ASIP: variants seen among roughly 807,000 people sequenced by gnomAD.
ASIP encodes agouti-signaling protein.
ASIP carries 11 observed loss-of-function variants against 10.3 expected under a neutral mutation model. The observed-to-expected ratio is 1.07, with a 90% CI of 0.68 to 1.78. The LOEUF (loss-of-function observed/expected upper bound fraction) is 1.78. ASIP is among the 40% of genes most tolerant of loss of function. The pLI, the probability that ASIP is intolerant of heterozygous loss-of-function variation, is 0.00. For synonymous variants in ASIP, 70 were observed against 70.8 expected (o/e 0.99, Z 0.06); for missense variants, 180 against 169.2 (o/e 1.06, Z -0.35).
upstream of ASIP, among the ~76,000 whole-genome samples, chr20:34,237,572 C>T (rs541179594): frequency 6.6e-6 from 1 of 152,282 alleles, no homozygotes; most frequent in Non-Finnish European, 1.5e-5. Flanking sequence ...GGCTTTTCTA[C>T]ATTTAAGATC....
At chr20:34,203,596 C>T (rs1048348963) in intron 1 of ASIP, among the ~76,000 whole-genome samples, 1 of 151,968 alleles carries the variant, frequency 6.6e-6, no homozygotes, top group Admixed American at 6.6e-5. Context: ...AGGGTTTCGC[C>T]ACGTTGGCCT....
intron 3 of ASIP, among the ~76,000 whole-genome samples, chr20:34,264,495 T>C (rs1041627845): frequency 6.6e-6 from 1 of 152,220 alleles, no homozygotes. Context: ...AAGGGACCCA[T>C]ACTAGGTGCT....
At chr20:34,215,980 C>G in intron 1 of ASIP, 2 of 740,452 alleles carry the variant, frequency 2.7e-6, no homozygotes, top group Admixed American at 1.7e-5. Context: ...CCCTATCACT[C>G]CAGCCCGCCT....
At chr20:34,218,985 AC>A (rs1360914474) in intron 1 of ASIP, among the ~76,000 whole-genome samples, 1 of 152,004 alleles carries the variant, frequency 6.6e-6, no homozygotes, top group African/African-American at 2.4e-5. Flanking sequence ...TTTTAACGTA[AC>A]CCTCTGAAGT....
intron 1 of ASIP, among the ~76,000 whole-genome samples, chr20:34,202,383 G>A (rs1267435217): frequency 6.6e-6 from 1 of 152,094 alleles, no homozygotes; most frequent in African/African-American, 2.4e-5. Flanking sequence ...AAATGATTGT[G>A]TCAATCTTGT....
rs2035714958 is a variant in ASIP at position 34,262,690 on chromosome 20, T to C, written c.161-142T>C. On this transcript the variant is annotated intron_variant, in intron 2 of 3. Transcript: ENST00000374954. Reference sequence around the variant, plus strand: ...GCTAACAAGAACCTACTGGCTTGAGTCCTACAGTGTGACTCATCCAGCACG... The same window carrying C: ...GCTAACAAGAACCTACTGGCTTGAGCCCTACAGTGTGACTCATCCAGCACG... The C allele has an allele frequency of 3.6e-6, 3 of 840,692 alleles. No homozygotes were observed. The Admixed American group carries it at 6.1e-5, about 17-fold the overall frequency. 52.1% of individuals were successfully genotyped at this position (840,692 alleles called of 1,614,324 possible).
intron 1 of ASIP, among the ~76,000 whole-genome samples, chr20:34,204,302 C>A (rs6120566): frequency 0.13 from 19,185 of 151,214 alleles, 4,155 homozygotes; most frequent in African/African-American, 0.44. Flanking sequence ...CTCGCCGCAA[C>A]CTCCGCCTCG....
At chr20:34,254,408 T>A (rs1196653445) in intron 1 of ASIP, among the ~76,000 whole-genome samples, 1 of 152,210 alleles carries the variant, frequency 6.6e-6, no homozygotes, top group Admixed American at 6.5e-5. Context: ...GTTTCTCTAA[T>A]GAGTAATAAC....
chr20:34,264,641 A>G (rs1388080856), intron 3 of ASIP, among the ~76,000 whole-genome samples: 1 of 152,154 alleles, frequency 6.6e-6, no homozygotes, highest in African/African-American at 2.4e-5. Context: ...GACAGACAAT[A>G]CATCTTGTAA....
intron 1 of ASIP, among the ~76,000 whole-genome samples, chr20:34,226,291 A>C (rs1290414252): frequency 4.6e-5 from 7 of 152,218 alleles, no homozygotes. Context: ...AAGAAAAGCT[A>C]TATGACATTT....
At chr20:34,233,115 G>A (rs1236917730) in intron 1 of ASIP, among the ~76,000 whole-genome samples, 1 of 149,360 alleles carries the variant, frequency 6.7e-6, no homozygotes, top group Non-Finnish European at 1.5e-5. Context: ...TTTTCATCTG[G>A]AAGAGTCAAC....
chr20:34,233,044 G>A (rs1174754188), intron 1 of ASIP, among the ~76,000 whole-genome samples: 1 of 151,298 alleles, frequency 6.6e-6, no homozygotes, highest in African/African-American at 2.4e-5. Context: ...AAATCAGTGT[G>A]TCCCAACCCA....
chr20:34,205,993 T>C (rs2034934146), intron 1 of ASIP, among the ~76,000 whole-genome samples: 1 of 152,132 alleles, frequency 6.6e-6, no homozygotes, highest in African/African-American at 2.4e-5. Context: ...AATTGTATTT[T>C]GTTTTGTTTT....
At chr20:34,226,406 G>A (rs1601580030) in intron 1 of ASIP, among the ~76,000 whole-genome samples, 1 of 152,130 alleles carries the variant, frequency 6.6e-6, no homozygotes, top group East Asian at 1.9e-4. Context: ...AGGCTGGAGT[G>A]CAGTGGCACG....
chr20:34,257,070 C>CTTTTTTTT (rs56227909), intron 1 of ASIP, among the ~76,000 whole-genome samples: 331 of 139,014 alleles, frequency 2.4e-3, no homozygotes, highest in Admixed American at 3.2e-3. Context: ...CTTTCTTTCT[C>CTTTTTTTT]TTTTTTTTTT....
At chr20:34,243,861 G>A (rs1409494327) in intron 1 of ASIP, among the ~76,000 whole-genome samples, 5 of 151,564 alleles carry the variant, frequency 3.3e-5, no homozygotes, top group East Asian at 3.9e-4. Context: ...TCAGGAGATC[G>A]AGACCATCCT....
upstream of ASIP, among the ~76,000 whole-genome samples, chr20:34,238,019 A>G (rs908934800): frequency 6.6e-6 from 1 of 152,128 alleles, no homozygotes; most frequent in Non-Finnish European, 1.5e-5. Context: ...TAATGATTTT[A>G]TTGAGGATTT....
intron 3 of ASIP, among the ~76,000 whole-genome samples, chr20:34,264,719 ATATTTTCTTATAAT>A: frequency 6.8e-6 from 1 of 147,858 alleles, no homozygotes; most frequent in South Asian, 2.1e-4. Flanking sequence ...TCACTTCCTT[ATATTTTCTTATAAT>A]CGATCTCTAC....
chr20:34,263,858 A>T (rs553389433), intron 3 of ASIP, among the ~76,000 whole-genome samples: 1 of 151,684 alleles, frequency 6.6e-6, no homozygotes, highest in African/African-American at 2.4e-5. Flanking sequence ...TTTAGTAGAG[A>T]TGGGGTTTCG....
Sources: gnomAD v4.1 joint callset for allele counts (sites outside exome capture counted in the v4.1 genomes callset) on GRCh38, gnomAD v4.1.1 for gene constraint, MANE v1.5 for transcripts, NCBI Gene and HGNC (gene_info 2026-07-23, HGNC 2026-07-21) for gene names.